The following MKLN1 variants were observed in gnomAD, a reference collection of about 807,000 sequenced individuals.
The protein encoded by MKLN1 is muskelin 1.
Under a neutral mutation model 99.0 loss-of-function variants are expected in MKLN1, and 18 were observed. The ratio of observed to expected loss-of-function variants is 0.18; its 90% CI spans 0.13 to 0.27. The LOEUF is 0.27. Ranked by LOEUF, MKLN1 falls within the 10% of genes least tolerant of loss-of-function variation. The pLI is 1.00. For missense variants in MKLN1, 621 were observed against 875.9 expected (o/e 0.71, Z 3.67); for synonymous variants, 288 against 293.2 (o/e 0.98, Z 0.18).
intron 3 of MKLN1, among the ~76,000 whole-genome samples, chr7:131,237,750 A>G (rs1405551101): frequency 6.6e-6 from 1 of 152,206 alleles, no homozygotes; most frequent in African/African-American, 2.4e-5. Flanking sequence ...TGGAGATAAG[A>G]GTTCTGGTAA....
rs1378166674 is a variant in MKLN1, at chr7:131,494,033, G to A, written c.*6305G>A. 2 of 152,192 alleles carry A rather than the reference G, an allele frequency of 1.3e-5. No homozygotes were observed. Among genetic ancestry groups the A allele is most frequent in the Non-Finnish European group, 2.9e-5 (2 of 68,012 alleles). 9.4% of individuals were successfully genotyped at this position (152,192 alleles called of 1,614,324 possible). ...AAGCCTTTGTTACAGTTTAGCTCAT[G>A]TCATTTGGTTGGTTTTATTTTCTAG... On this transcript the variant is annotated 3_prime_UTR_variant, in exon 18 of 18. Transcript: ENST00000352689.
intron 3 of MKLN1, among the ~76,000 whole-genome samples, chr7:131,257,732 G>A (rs570779247): frequency 6.6e-6 from 1 of 152,210 alleles, no homozygotes; most frequent in East Asian, 1.9e-4. Flanking sequence ...GGAGGGAAGG[G>A]GAAGGGAGAG....
chr7:131,275,694 G>T (rs1797961928), intron 3 of MKLN1, among the ~76,000 whole-genome samples: 1 of 148,642 alleles, frequency 6.7e-6, no homozygotes, highest in African/African-American at 2.5e-5. Flanking sequence ...GTCTCTCAAA[G>T]TGCTGGGATT....
At chr7:131,195,585 T>A (rs1441630330) in intron 2 of MKLN1, among the ~76,000 whole-genome samples, 1 of 152,178 alleles carries the variant, frequency 6.6e-6, no homozygotes, top group East Asian at 1.9e-4. Context: ...TTGCCTTTTT[T>A]TCCTCCTCAA....
chr7:131,421,674 T>C (rs910641464), intron 8 of MKLN1, among the ~76,000 whole-genome samples: 4 of 152,218 alleles, frequency 2.6e-5, no homozygotes, highest in Non-Finnish European at 5.9e-5. Context: ...TGATTAATTA[T>C]GCTGAGAGAA....
intron 3 of MKLN1, among the ~76,000 whole-genome samples, chr7:131,222,955 T>C (rs760177998): frequency 2.0e-5 from 3 of 151,898 alleles, no homozygotes; most frequent in Admixed American, 6.6e-5. Flanking sequence ...GGCATGAGAA[T>C]GGTTTGAACC....
intron 3 of MKLN1, among the ~76,000 whole-genome samples, chr7:131,205,066 C>T (rs563705541): frequency 6.6e-6 from 1 of 151,638 alleles, no homozygotes; most frequent in African/African-American, 2.4e-5. Flanking sequence ...CCACTGCACT[C>T]CAGCCTGGGC....
chr7:131,331,634 T>G (rs997473634), intron 1 of MKLN1, among the ~76,000 whole-genome samples: 4 of 152,002 alleles, frequency 2.6e-5, no homozygotes, highest in Admixed American at 6.6e-5. Flanking sequence ...ATAATAATGA[T>G]GAGGAGGAAG....
intron 2 of MKLN1, among the ~76,000 whole-genome samples, chr7:131,148,443 G>C (rs1795844641): frequency 6.6e-6 from 1 of 152,136 alleles, no homozygotes; most frequent in South Asian, 2.1e-4. Flanking sequence ...TGTTTAAATT[G>C]CCCAGCTTTC....
chr7:131,209,389 G>A (rs922273546), intron 3 of MKLN1, among the ~76,000 whole-genome samples: 27 of 152,212 alleles, frequency 1.8e-4, no homozygotes, highest in Admixed American at 1.1e-3. Flanking sequence ...CAACAATGGC[G>A]GCTTGGTCTA....
intron 2 of MKLN1, among the ~76,000 whole-genome samples, chr7:131,202,415 A>G (rs1437111616): frequency 4.6e-5 from 7 of 152,036 alleles, no homozygotes; most frequent in Admixed American, 4.6e-4. Context: ...ATGCCCTGCC[A>G]AATTTTTTAA....
At chr7:131,307,512 C>T (rs546525654) in intron 3 of MKLN1, among the ~76,000 whole-genome samples, 20 of 152,244 alleles carry the variant, frequency 1.3e-4, no homozygotes, top group Non-Finnish European at 2.1e-4. Context: ...GGCTGTACCC[C>T]GCAGAGTCAC....
intron 3 of MKLN1, among the ~76,000 whole-genome samples, chr7:131,223,648 T>C (rs1455573368): frequency 1.3e-5 from 2 of 152,200 alleles, no homozygotes; most frequent in African/African-American, 4.8e-5. Context: ...CTGGATCTTC[T>C]TCCCACAGGG....
chr7:131,233,098 G>C (rs957556889), intron 3 of MKLN1, among the ~76,000 whole-genome samples: 5 of 152,130 alleles, frequency 3.3e-5, no homozygotes, highest in African/African-American at 4.8e-5. Context: ...TCAGCACTTT[G>C]GGAGGCCGAG....
chr7:131,183,246 C>T (rs1173368376), intron 2 of MKLN1, among the ~76,000 whole-genome samples: 1 of 152,178 alleles, frequency 6.6e-6, no homozygotes, highest in Non-Finnish European at 1.5e-5. Flanking sequence ...CAGACATTAT[C>T]TTATTTGATC....
At chr7:131,403,764 G>A (rs923610606) in intron 6 of MKLN1, among the ~76,000 whole-genome samples, 5 of 152,064 alleles carry the variant, frequency 3.3e-5, no homozygotes, top group African/African-American at 1.2e-4. Flanking sequence ...ACAACATGGT[G>A]CCTCAAAACA....
intron 9 of MKLN1, among the ~76,000 whole-genome samples, chr7:131,436,554 TCTTA>T (rs1422660176): frequency 6.6e-6 from 1 of 152,220 alleles, no homozygotes; most frequent in Non-Finnish European, 1.5e-5. Flanking sequence ...AGATTTGCTA[TCTTA>T]CTTCCTAGTT....
At chr7:131,226,696 G>C (rs745550665) in intron 3 of MKLN1, among the ~76,000 whole-genome samples, 8 of 152,186 alleles carry the variant, frequency 5.3e-5, no homozygotes, top group Non-Finnish European at 1.0e-4. Context: ...TGAGTCATGA[G>C]AATGGGACTA....
chr7:131,241,965 T>C (rs192058862), intron 3 of MKLN1, among the ~76,000 whole-genome samples: 1 of 152,346 alleles, frequency 6.6e-6, no homozygotes, highest in Admixed American at 6.5e-5. Flanking sequence ...TGATTTTTCT[T>C]ACCACATTCA....
Sources: allele counts gnomAD v4.1 joint callset (sites outside exome capture counted in the v4.1 genomes callset), GRCh38; gene constraint gnomAD v4.1.1; transcripts MANE v1.5; gene names NCBI Gene and HGNC (gene_info 2026-07-23, HGNC 2026-07-21).